Variants in ZC3H7B observed in about 807,000 individuals in gnomAD.
ZC3H7B encodes the protein zinc finger CCCH domain-containing protein 7B.
Under a neutral mutation model 116.0 loss-of-function variants are expected in ZC3H7B, and 35 were observed. The observed-to-expected ratio is 0.30, with a 90% confidence interval of 0.23 to 0.40. The LOEUF (loss-of-function observed/expected upper bound fraction) is 0.40. ZC3H7B is among the 10% of genes least tolerant of loss of function. The pLI is 1.00. For synonymous variants in ZC3H7B, 502 were observed against 545.6 expected, an observed-to-expected ratio of 0.92 and a Z score of 1.11; for missense variants, 1,011 against 1,321.5, an observed-to-expected ratio of 0.77 and a Z score of 3.64.
intron 1 of ZC3H7B, among the ~76,000 whole-genome samples, chr22:41,312,190 G>A (rs772997975): frequency 6.6e-6 from 1 of 151,164 alleles, no homozygotes. Flanking sequence ...ATCCTAGCTC[G>A]GCGTGGTGGC....
intron 6 of ZC3H7B, 129 bp from the exon 7 acceptor site, chr22:41,332,042 C>G: frequency 2.2e-6 from 2 of 912,788 alleles, no homozygotes; most frequent in Non-Finnish European, 3.4e-6. Flanking sequence ...GGCCTGGGGA[C>G]AGGGACTCTC....
At chr22:41,348,638 A>T (rs2036619200) in intron 15 of ZC3H7B, among the ~76,000 whole-genome samples, 1 of 152,150 alleles carries the variant, frequency 6.6e-6, no homozygotes, top group African/African-American at 2.4e-5. Flanking sequence ...TGGTGTGCAT[A>T]TGGAGCCCAG....
In ZC3H7B at chr22:41,357,563, C is replaced by T; in HGVS notation, c.*134C>T. On this transcript the variant is annotated 3_prime_UTR_variant, in exon 23 of 23. Coordinates refer to ENST00000352645, the MANE Select transcript of ZC3H7B (RefSeq NM_017590.6). This position sits in a 1 kb window ranked among gnomAD's most constrained non-coding sequence, Gnocchi z 5.4. ...CAGGCAGCCCCCAGCCCCCTGAGGC[C>T]CTGTCCATCTTCTCCCCACCACCGC... 9.3e-7 allele frequency: 1 copy of T among 1,073,808 alleles called. No homozygotes were observed. Among genetic ancestry groups the T allele is most frequent in the South Asian group, 1.6e-5 (1 of 63,404 alleles). The allele number at this position is 1,073,808 out of a possible 1,614,324, so 66.5% of individuals were successfully genotyped here.
chr22:41,329,687 C>T (rs988576209), intron 5 of ZC3H7B, among the ~76,000 whole-genome samples: 4 of 152,214 alleles, frequency 2.6e-5, no homozygotes, highest in African/African-American at 9.6e-5. Context: ...ATCCAGGGAG[C>T]ACTTGCTGTC....
chr22:41,307,356 C>A (rs1488204714), intron 1 of ZC3H7B, among the ~76,000 whole-genome samples: 1 of 152,154 alleles, frequency 6.6e-6, no homozygotes, highest in Non-Finnish European at 1.5e-5. Flanking sequence ...GCTACAGATT[C>A]CTTCTCACCA....
chr22:41,325,836 A>G lies in ZC3H7B; in HGVS notation c.203A>G (p.Tyr68Cys). The G allele has an allele frequency of 6.2e-7, 1 of 1,613,150 alleles. No individual in the cohort carries two copies. The highest frequency in any genetic ancestry group is 8.5e-7 in the Non-Finnish European group (1 of 1,179,852). The stretch of plus-strand genomic sequence containing the variant: ...ATGGAAGGGCTGAACGTGGCCGACT[A>G]CGCTGCCTCTGACCAGGTGGCCCTG... Reference protein sequence around the residue: ...QYMEGLNVADYAASDQVALPR... With the variant: ...QYMEGLNVADCAASDQVALPR... Residue 68 changes from tyrosine (Y) to cysteine (C), a missense_variant, in exon 4 of 23, where the codon TAC becomes TGC. Tyr to Cys is a radical substitution (Grantham distance 194). Around this residue, in one of 5 missense-constraint regions of ZC3H7B, gnomAD observed 322 missense variants for 443.9 expected, o/e 0.73. Transcript: ENST00000352645.
intron 2 of ZC3H7B, among the ~76,000 whole-genome samples, chr22:41,321,832 T>TC: frequency 1.6e-5 from 1 of 61,936 alleles, no homozygotes; most frequent in African/African-American, 5.2e-5. Flanking sequence ...TCACATTCTT[T>TC]TTTTTTTTTT....
intron 10 of ZC3H7B, 48 bp downstream of exon 10, chr22:41,340,185 G>A (rs1384776828): frequency 4.6e-6 from 7 of 1,534,016 alleles, no homozygotes; most frequent in Non-Finnish European, 6.1e-6. Context: ...AGGTTGCACA[G>A]TGCTGTGGCC....
intron 1 of ZC3H7B, among the ~76,000 whole-genome samples, chr22:41,308,215 G>C (rs1221782749): frequency 2.0e-5 from 3 of 152,056 alleles, no homozygotes; most frequent in Non-Finnish European, 4.4e-5. Context: ...AGCACTTCCT[G>C]TGAGGGCTGC....
At chr22:41,331,031 G>A (rs1284788676) in intron 6 of ZC3H7B, among the ~76,000 whole-genome samples, 2 of 143,592 alleles carry the variant, frequency 1.4e-5, no homozygotes, top group African/African-American at 5.1e-5. Context: ...CACCACGCCC[G>A]GCTAATTTTT....
At position 41,356,493 on chromosome 22, in the gene ZC3H7B, G is replaced by A; in HGVS notation, c.2517+17G>A. On this transcript the variant is annotated intron_variant, in intron 21 of 22. Coordinates refer to ENST00000352645, the MANE Select transcript of ZC3H7B (RefSeq NM_017590.6). ...GACATCATGGTAACGCCTCCGCCCT[G>A]CATGCTCGGGGCTGCGGTCGGGGCT... is the stretch of plus-strand genomic sequence containing the variant. 2 of 1,613,734 alleles carry A rather than the reference G, an allele frequency of 1.2e-6. No individual in the cohort carries two copies. The highest frequency in any genetic ancestry group is 8.5e-7 in the Non-Finnish European group (1 of 1,179,990).
rs911836678 is a variant in ZC3H7B, at chr22:41,324,197, A to G, written c.54-1367A>G. ...GTCTTTAGTGGGGGCAACAGAGGAGACAGACACTGCAGCAGTATGGGGAGG... is the reference window on the plus strand; with the variant it reads ...GTCTTTAGTGGGGGCAACAGAGGAGGCAGACACTGCAGCAGTATGGGGAGG... On this transcript the variant is annotated intron_variant, in intron 2 of 22. Transcript: ENST00000352645. Among the ~76,000 whole-genome samples the G allele has an allele frequency of 4.6e-5, 7 of 152,158 alleles. No individual in the cohort carries two copies. The East Asian group carries it at 1.2e-3, about 25-fold the overall frequency.
intron 1 of ZC3H7B, among the ~76,000 whole-genome samples, chr22:41,309,102 C>T (rs868639319): frequency 1.8e-4 from 27 of 148,804 alleles, no homozygotes; most frequent in Middle Eastern, 3.5e-3. Context: ...AGCTCCGCCT[C>T]CCGGGTTCAT....
Position 41,338,861 on chromosome 22 carries a change from A to T in ZC3H7B, c.626-140A>T. ...CCCCTGAGCATCTGCCAGTGGGATC[A>T]GCCGATGGGGAAGGCAGGGCTCCTG... On this transcript the variant is annotated intron_variant, in intron 8 of 22. Coordinates refer to ENST00000352645, the MANE Select transcript of ZC3H7B (RefSeq NM_017590.6). The surrounding 1 kb of genome is among the most constrained non-coding windows in gnomAD (Gnocchi z 4.5). The T allele has an allele frequency of 1.0e-6, 1 of 979,076 alleles. No individual in the cohort carries two copies. The highest frequency in any genetic ancestry group is 1.5e-6 in the Non-Finnish European group (1 of 679,748). The allele number at this position is 979,076 out of a possible 1,614,324, so 60.6% of individuals were successfully genotyped here. A position where few individuals can be genotyped will look rare whatever the true frequency, so the allele number is the denominator to read the frequency against.
chr22:41,347,382 C>G (rs1398166014), intron 14 of ZC3H7B, among the ~76,000 whole-genome samples: 1 of 152,246 alleles, frequency 6.6e-6, no homozygotes, highest in Non-Finnish European at 1.5e-5. Flanking sequence ...CTGGGTTTGC[C>G]CTCCCCACAG....
intron 1 of ZC3H7B, among the ~76,000 whole-genome samples, chr22:41,309,360 C>T (rs1188808070): frequency 5.9e-5 from 9 of 151,492 alleles, no homozygotes; most frequent in Admixed American, 4.6e-4. Context: ...GTCGTCCAGG[C>T]TGGAGTGCAG....
intron 2 of ZC3H7B, among the ~76,000 whole-genome samples, chr22:41,322,859 C>T (rs910684075): frequency 3.3e-5 from 5 of 152,176 alleles, no homozygotes; most frequent in Non-Finnish European, 7.3e-5. Context: ...CTCAATCTCC[C>T]GGGCTCAAGC....
chr22:41,321,109 C>A lies in ZC3H7B; in HGVS notation c.53+396C>A, dbSNP rs578059811. ...TTTGAGACAGAATCTCTCCTTGTTG[C>A]CCTGGCTGGAGTGAATGGTGCTCCT... is the stretch of plus-strand genomic sequence containing the variant. On this transcript the variant is annotated intron_variant, in intron 2 of 22. Transcript: ENST00000352645. 2.2e-3 allele frequency among the ~76,000 whole-genome samples: 341 copies of A among 152,222 alleles called. 3 individuals are homozygous for A. Among genetic ancestry groups the A allele is most frequent in the African/African-American group, 7.7e-3 (321 of 41,534 alleles).
chr22:41,320,654 G>A lies in ZC3H7B; in HGVS notation c.-6-1G>A, dbSNP rs1412433900. 6.2e-7 allele frequency: 1 copy of A among 1,613,642 alleles called. No individual in the cohort carries two copies. Among genetic ancestry groups the A allele is most frequent in the South Asian group, 1.1e-5 (1 of 91,068 alleles). On this transcript the variant is annotated splice_acceptor_variant, in intron 1 of 22. Transcript: ENST00000352645. LOFTEE classifies it low-confidence loss of function (5UTR_SPLICE). ...CTGATGGACTGTGCTCTCTTCCCCA[G>A]AGACTGATGGAGAGGCAGAAACGGA...
Sources: gnomAD v4.1 joint callset for allele counts (sites outside exome capture counted in the v4.1 genomes callset) on GRCh38, gnomAD v4.1.1 for gene constraint, gnomAD v4.1.1 regional missense constraint, Gnocchi (gnomAD v3.1) non-coding constraint, MANE v1.5 for transcripts, NCBI Gene and HGNC (gene_info 2026-07-23, HGNC 2026-07-21) for gene names.